Variants in RRBP1 observed in about 807,000 individuals in gnomAD.
RRBP1 encodes the protein ribosome binding protein 1, also known as ribosome-binding protein 1.
RRBP1 carries 94 observed loss-of-function variants against 165.2 expected under a neutral mutation model. That is an observed-to-expected ratio of 0.57 (90% CI 0.48 to 0.68). The LOEUF is 0.68. Ranked by LOEUF, RRBP1 falls within the 30% of genes least tolerant of loss-of-function variation. The pLI, the probability that RRBP1 is intolerant of heterozygous loss-of-function variation, is 0.00. For missense variants in RRBP1, 1,676 were observed against 1,763.0 expected (o/e 0.95, Z 0.88); for synonymous variants, 680 against 714.5 (o/e 0.95, Z 0.77).
rs74955526 is a variant in RRBP1, at chr20:17,615,571, A to C, written c.3952-42T>G. 11,128 of 1,533,316 alleles carry C rather than the reference A, an allele frequency of 7.3e-3. 767 individuals are homozygous for C. In the African/African-American group the frequency reaches 0.14, roughly 19 times the overall value. 95.0% of individuals were successfully genotyped at this position (1,533,316 alleles called of 1,614,324 possible). A position where few individuals can be genotyped will look rare whatever the true frequency, so the allele number is the denominator to read the frequency against. On this transcript the variant is annotated intron_variant, in intron 22 of 24. Transcript: ENST00000377813. Reference sequence around the variant, plus strand: ...GTGAGGTCTGGGTGAGACGTCTTATAAACGGCTGTGCTGTCAAGACCCTAC... The same window carrying C: ...GTGAGGTCTGGGTGAGACGTCTTATCAACGGCTGTGCTGTCAAGACCCTAC...
At chr20:17,615,844 G>A in intron 22 of RRBP1, 82 bp downstream of exon 22, 1 of 1,257,786 alleles carries the variant, frequency 8.0e-7, no homozygotes, top group South Asian at 1.3e-5. Flanking sequence ...CAGCCGAGCG[G>A]GGCAGGGCTG....
At chr20:17,656,860 G>A (rs1262286998) in intron 3 of RRBP1, among the ~76,000 whole-genome samples, 1 of 152,120 alleles carries the variant, frequency 6.6e-6, no homozygotes, top group Non-Finnish European at 1.5e-5. Flanking sequence ...TGGAATATGG[G>A]TTTTGTTTTC....
chr20:17,660,565 T>A, intron 2 of RRBP1, 37 bp from the exon 3 acceptor site: 1 of 1,269,194 alleles, frequency 7.9e-7, no homozygotes, highest in Non-Finnish European at 1.1e-6. Context: ...TTTATAGAAA[T>A]CAAGGCCTTC....
chr20:17,629,172 G>A (rs187295795), intron 9 of RRBP1, among the ~76,000 whole-genome samples: 263 of 152,368 alleles, frequency 1.7e-3, no homozygotes, highest in Middle Eastern at 3.4e-3. Context: ...TGACTCTGTC[G>A]TGTAACCCCC....
At position 17,659,959 on chromosome 20, in the gene RRBP1, G is replaced by A. The variant is rs200697698; in HGVS notation, c.549C>T (p.Pro183=). ...APKEVPMVVV[P]PVGAKGNTPA... is the part of the protein sequence containing the mutation. ...GTGTGTTGCCCTTGGCACCCACTGG[G>A]GGCACCACCACCATCGGCACCTCCT... The change falls in exon 3 of 25, where the codon CCC becomes CCT. Residue 183 remains proline, a synonymous_variant. Transcript: ENST00000377813. The A allele has an allele frequency of 1.4e-5, 23 of 1,601,712 alleles. No individual in the cohort carries two copies. In the Admixed American group the frequency reaches 2.1e-4, roughly 14 times the overall value.
chr20:17,670,715 A>G (rs2122494325), intron 2 of RRBP1, among the ~76,000 whole-genome samples: 1 of 152,296 alleles, frequency 6.6e-6, no homozygotes, highest in Admixed American at 6.5e-5. Flanking sequence ...AAGTTCCTTT[A>G]GCAAAGATCT....
At chr20:17,632,381 A>G (rs1466461876) in intron 8 of RRBP1, among the ~76,000 whole-genome samples, 3 of 152,184 alleles carry the variant, frequency 2.0e-5, no homozygotes, top group African/African-American at 7.2e-5. Context: ...ACCGTCCAGG[A>G]GCCTTTAAAA....
At chr20:17,664,789 G>A (rs1001215906) in intron 2 of RRBP1, among the ~76,000 whole-genome samples, 4 of 152,158 alleles carry the variant, frequency 2.6e-5, no homozygotes, top group Non-Finnish European at 5.9e-5. Context: ...GTGTGTGGAA[G>A]CTTGGAGAAG....
At chr20:17,647,216 G>C (rs1474257130) in intron 3 of RRBP1, among the ~76,000 whole-genome samples, 4 of 152,262 alleles carry the variant, frequency 2.6e-5, no homozygotes, top group Non-Finnish European at 5.9e-5. Context: ...GGAAAGTTAA[G>C]TTATAGGTTG....
chr20:17,660,430 GA>G lies in RRBP1; in HGVS notation c.77del (p.Phe26SerfsTer8). 2 of 1,614,162 alleles carry G rather than the reference GA, an allele frequency of 1.2e-6. No homozygotes were observed. The highest frequency in any genetic ancestry group is 1.7e-6 in the Non-Finnish European group (2 of 1,180,032). On this transcript the variant is annotated frameshift_variant, in exon 3 of 25. Coordinates refer to ENST00000377813, the MANE Select transcript of RRBP1 (RefSeq NM_001365613.2). LOFTEE classifies it high-confidence loss of function. ...GFMVVSAIGI[F>X]LVSTFSMKET... ...CCTTCATGGAGAAAGTCGACACCAGGAAGATGCCAATGGCAGAAACAACCAT... is the reference window on the plus strand; with the variant it reads ...CCTTCATGGAGAAAGTCGACACCAGGAGATGCCAATGGCAGAAACAACCAT...
At chr20:17,615,673 C>T (rs2035786636) in intron 22 of RRBP1, 144 bp from the exon 23 acceptor site, 1 of 668,244 alleles carries the variant, frequency 1.5e-6, no homozygotes, top group Non-Finnish European at 2.5e-6. Context: ...AATGAGTGGG[C>T]CAGACCCACA....
intron 20 of RRBP1, 51 bp downstream of exon 20, chr20:17,618,545 A>C (rs779077174): frequency 2.2e-6 from 3 of 1,370,774 alleles, no homozygotes; most frequent in East Asian, 2.3e-5. Context: ...CATCTCACAC[A>C]CGCAACGCCC....
chr20:17,622,252 C>G (rs2035930709), intron 13 of RRBP1, among the ~76,000 whole-genome samples: 1 of 152,196 alleles, frequency 6.6e-6, no homozygotes, highest in Non-Finnish European at 1.5e-5. Flanking sequence ...CAGTCTCCAC[C>G]AGCTCTCACT....
intron 1 of RRBP1, 36 bp downstream of exon 1, chr20:17,681,992 C>A (rs1355829804): frequency 6.7e-6 from 1 of 149,432 alleles, no homozygotes; most frequent in Non-Finnish European, 1.5e-5. Flanking sequence ...GCCCGGCCCG[C>A]GCGCGGCCGC....
chr20:17,627,304 G>A lies in RRBP1; in HGVS notation c.2963+44C>T, dbSNP rs115477957. ...GCCCCCCAAGGGTCTTTGGTCCCCC[G>A]GGCTGAGGCTCAAGTGAGCAGGCAG... is the stretch of plus-strand genomic sequence containing the variant. On this transcript the variant is annotated intron_variant, in intron 11 of 24. Transcript: ENST00000377813. 2,928 of 1,606,400 alleles carry A rather than the reference G, an allele frequency of 1.8e-3. 38 individuals are homozygous for A. In the African/African-American group the frequency reaches 0.028, roughly 15 times the overall value.
intron 23 of RRBP1, 147 bp from the exon 24 acceptor site, chr20:17,615,027 C>G: frequency 3.3e-6 from 3 of 906,476 alleles, no homozygotes; most frequent in African/African-American, 1.7e-5. Flanking sequence ...TAGGTGGTGA[C>G]GACAGGGAGG....
rs769901463 is a variant in RRBP1 at position 17,627,318 on chromosome 20, G to A, written c.2963+30C>T. On this transcript the variant is annotated intron_variant, in intron 11 of 24. Transcript: ENST00000377813. ...TTTGGTCCCCCGGGCTGAGGCTCAA[G>A]TGAGCAGGCAGGCTGCTTCCCCAGC... The A allele has an allele frequency of 1.6e-5, 25 of 1,611,126 alleles. No individual in the cohort carries two copies. The South Asian group carries it at 2.6e-4, about 17-fold the overall frequency.
chr20:17,667,930 C>A (rs1281595286), intron 2 of RRBP1, among the ~76,000 whole-genome samples: 6 of 152,206 alleles, frequency 3.9e-5, no homozygotes, highest in African/African-American at 1.4e-4. Context: ...TTTTCTCTCA[C>A]CATGTTGAAG....
Position 17,643,698 on chromosome 20 carries a change from C to T in RRBP1, c.1913-571G>A, listed in dbSNP as rs2122371461. Among the ~76,000 whole-genome samples, 1 of 152,254 alleles carries T rather than the reference C, an allele frequency of 6.6e-6. No individual in the cohort carries two copies. The highest frequency in any genetic ancestry group is 1.9e-4 in the East Asian group (1 of 5,178). On this transcript the variant is annotated intron_variant, in intron 3 of 24. Coordinates refer to ENST00000377813, the MANE Select transcript of RRBP1 (RefSeq NM_001365613.2). The surrounding 1 kb of genome is among the most constrained non-coding windows in gnomAD (Gnocchi z 4.3). ...TCAGTGCAAACCCTATTTCTAGCTC[C>T]CTGGATGAAGCCCAGGCAGTGACAG...
Sources: allele counts gnomAD v4.1 joint callset (sites outside exome capture counted in the v4.1 genomes callset), GRCh38; gene constraint gnomAD v4.1.1; non-coding constraint Gnocchi (gnomAD v3.1); transcripts MANE v1.5; gene names NCBI Gene and HGNC (gene_info 2026-07-23, HGNC 2026-07-21).